Variants in PXDNL observed in about 807,000 individuals in gnomAD.
The protein encoded by PXDNL is peroxidasin like, also known as probable oxidoreductase PXDNL.
PXDNL carries 145 observed loss-of-function variants against 150.8 expected under a neutral mutation model. The observed-to-expected ratio is 0.96, with a 90% confidence interval of 0.84 to 1.10. The LOEUF (loss-of-function observed/expected upper bound fraction) is 1.10, where lower values mean the gene tolerates loss of function less well. Among genes scored for constraint, PXDNL ranks in the 50% least tolerant of loss-of-function variants. The pLI is 0.00. For missense variants in PXDNL, 2,087 were observed against 1,873.9 expected (o/e 1.11, Z -2.10); for synonymous variants, 757 against 725.7 (o/e 1.04, Z -0.69).
intron 21 of PXDNL, among the ~76,000 whole-genome samples, chr8:51,326,995 A>G (rs2130625233): frequency 7.0e-6 from 1 of 143,632 alleles, no homozygotes; most frequent in Admixed American, 6.8e-5. Context: ...TCCCATGTGA[A>G]CAAAAAGACA....
rs143305564 is a variant in PXDNL, at chr8:51,380,972, C to T, written c.3558-6241G>A. Reference sequence around the variant, plus strand: ...TCTTGGACTAATTATATTACTGAAACGAACCTATTATGATCATGTTATATA... The same window carrying T: ...TCTTGGACTAATTATATTACTGAAATGAACCTATTATGATCATGTTATATA... On this transcript the variant is annotated intron_variant, in intron 17 of 22. Transcript: ENST00000356297. 3.3e-3 allele frequency among the ~76,000 whole-genome samples: 509 copies of T among 152,090 alleles called. 2 individuals are homozygous for T. Among genetic ancestry groups the T allele is most frequent in the African/African-American group, 0.011 (470 of 41,484 alleles).
chr8:51,346,438 G>A (rs550101307), intron 19 of PXDNL, among the ~76,000 whole-genome samples: 1 of 152,278 alleles, frequency 6.6e-6, no homozygotes, highest in African/African-American at 2.4e-5. Context: ...GGTTAAAATT[G>A]TAAGTTTTAT....
At chr8:51,554,844 TAC>T (rs1217955538) in intron 4 of PXDNL, among the ~76,000 whole-genome samples, 1 of 151,908 alleles carries the variant, frequency 6.6e-6, no homozygotes, top group African/African-American at 2.4e-5. Flanking sequence ...TAAGAAGTTT[TAC>T]ACTTTCCCTA....
At chr8:51,374,020 A>G (rs1034701661) in intron 18 of PXDNL, among the ~76,000 whole-genome samples, 5 of 152,208 alleles carry the variant, frequency 3.3e-5, no homozygotes, top group African/African-American at 7.2e-5. Context: ...TACAATGAAC[A>G]TTTTAGACAA....
At chr8:51,615,164 T>C (rs888084689) in intron 2 of PXDNL, among the ~76,000 whole-genome samples, 12 of 152,206 alleles carry the variant, frequency 7.9e-5, no homozygotes, top group African/African-American at 2.7e-4. Flanking sequence ...CCACTAGCAG[T>C]ACAACATAAA....
intron 17 of PXDNL, among the ~76,000 whole-genome samples, chr8:51,381,403 A>G (rs1197581757): frequency 6.6e-6 from 1 of 152,096 alleles, no homozygotes; most frequent in African/African-American, 2.4e-5. Context: ...GGCTACACCA[A>G]CCTCCAAAAT....
At chr8:51,781,514 C>A (rs1319378098) in intron 1 of PXDNL, among the ~76,000 whole-genome samples, 1 of 152,124 alleles carries the variant, frequency 6.6e-6, no homozygotes, top group Non-Finnish European at 1.5e-5. Flanking sequence ...GGCTCTTCGT[C>A]CAGTTGTAGG....
At chr8:51,647,105 C>G (rs1166381289) in intron 2 of PXDNL, among the ~76,000 whole-genome samples, 1 of 152,106 alleles carries the variant, frequency 6.6e-6, no homozygotes, top group African/African-American at 2.4e-5. Context: ...ATCCCTTATA[C>G]AGGGTCTGTG....
intron 2 of PXDNL, among the ~76,000 whole-genome samples, chr8:51,649,247 C>G (rs1814985697): frequency 6.6e-6 from 1 of 152,170 alleles, no homozygotes; most frequent in African/African-American, 2.4e-5. Context: ...GACATAGACC[C>G]CAGCCTTGGT....
intron 19 of PXDNL, among the ~76,000 whole-genome samples, chr8:51,361,958 AAAAAAAAGAAAAGAAAAG>A (rs1806762046): frequency 6.7e-6 from 1 of 149,264 alleles, no homozygotes; most frequent in Admixed American, 6.6e-5. Context: ...AAAAAAAAAA[AAAAAAAAGAAAAGAAAAG>A]AAAAAGAAAA....
At chr8:51,680,159 T>G (rs534450415) in intron 1 of PXDNL, among the ~76,000 whole-genome samples, 1 of 152,354 alleles carries the variant, frequency 6.6e-6, no homozygotes, top group East Asian at 1.9e-4. Flanking sequence ...GACCTAGCAC[T>G]GTGATCTCAT....
intron 3 of PXDNL, among the ~76,000 whole-genome samples, chr8:51,583,142 T>C (rs140900250): frequency 3.3e-4 from 50 of 152,236 alleles, no homozygotes; most frequent in African/African-American, 1.2e-3. Flanking sequence ...TTTTAGGTGA[T>C]TGTGTTAGTC....
At chr8:51,600,260 A>C (rs954553277) in intron 2 of PXDNL, among the ~76,000 whole-genome samples, 43 of 131,414 alleles carry the variant, frequency 3.3e-4, no homozygotes, top group African/African-American at 1.2e-3. Flanking sequence ...TATCTCATAT[A>C]AATTATATCG....
At chr8:51,324,074 G>A (rs892304096) in intron 21 of PXDNL, among the ~76,000 whole-genome samples, 1 of 152,046 alleles carries the variant, frequency 6.6e-6, no homozygotes, top group Non-Finnish European at 1.5e-5. Flanking sequence ...TATCACCCAT[G>A]TGTTCATTGT....
chr8:51,435,279 C>T (rs1240022670), intron 12 of PXDNL, among the ~76,000 whole-genome samples: 1 of 152,040 alleles, frequency 6.6e-6, no homozygotes, highest in Admixed American at 6.6e-5. Context: ...CACGATCACG[C>T]CACTGCACTC....
At chr8:51,721,274 G>A (rs936539442) in intron 1 of PXDNL, among the ~76,000 whole-genome samples, 1 of 152,180 alleles carries the variant, frequency 6.6e-6, no homozygotes, top group Non-Finnish European at 1.5e-5. Flanking sequence ...ATTAGGCAAA[G>A]AACTCTATTC....
chr8:51,376,737 T>A (rs927093463), intron 17 of PXDNL, among the ~76,000 whole-genome samples: 6 of 151,142 alleles, frequency 4.0e-5, no homozygotes, highest in East Asian at 1.9e-4. Context: ...TTTTTTTTTT[T>A]ATACGGAGTC....
At position 51,669,991 on chromosome 8, in the gene PXDNL, C is replaced by T. The variant is rs531185519; in HGVS notation, c.165-15231G>A. ...GTGGCTCATGCCTGTAATCTCAGTA[C>T]TTTGGGAGGCCAAGGTGGGCAGATC... On this transcript the variant is annotated intron_variant, in intron 1 of 22. Coordinates refer to ENST00000356297, the MANE Select transcript of PXDNL (RefSeq NM_144651.5). Among the ~76,000 whole-genome samples the T allele has an allele frequency of 7.9e-5, 12 of 152,142 alleles. No individual in the cohort carries two copies. The East Asian group carries it at 1.9e-3, about 24-fold the overall frequency.
intron 1 of PXDNL, among the ~76,000 whole-genome samples, chr8:51,770,123 T>C (rs2037275594): frequency 6.6e-6 from 1 of 152,218 alleles, no homozygotes; most frequent in African/African-American, 2.4e-5. Flanking sequence ...CTTGCTCCTC[T>C]ATCCCATAAA....
Sources: allele counts gnomAD v4.1 joint callset (sites outside exome capture counted in the v4.1 genomes callset), GRCh38; gene constraint gnomAD v4.1.1; transcripts MANE v1.5; gene names NCBI Gene and HGNC (gene_info 2026-07-23, HGNC 2026-07-21).